Variants in SERPINE3 observed in about 807,000 individuals in gnomAD.
The protein encoded by SERPINE3 is serpin E3.
SERPINE3 carries 43 observed loss-of-function variants against 41.7 expected under a neutral mutation model. The observed-to-expected ratio is 1.03, with a 90% CI of 0.81 to 1.33. The LOEUF (loss-of-function observed/expected upper bound fraction) is 1.33, where lower values mean the gene tolerates loss of function less well. SERPINE3 is among the 40% of genes most tolerant of loss of function. SERPINE3 has a pLI of 0.00. For missense variants in SERPINE3, 440 were observed against 491.7 expected (o/e 0.89, Z 0.99); for synonymous variants, 200 against 192.2 (o/e 1.04, Z -0.34).
intron 9 of SERPINE3, chr13:51,362,871 A>G (rs1197262005): frequency 6.6e-6 from 1 of 152,434 alleles, no homozygotes; most frequent in African/African-American, 2.4e-5. Flanking sequence ...ACTAGAAAAT[A>G]ATCTATTTGG....
At position 51,353,470 on chromosome 13, in the gene SERPINE3, T is replaced by G. The variant is rs1955431045; in HGVS notation, c.900-1573T>G. 2.0e-5 allele frequency among the ~76,000 whole-genome samples: 3 copies of G among 152,314 alleles called. No homozygotes were observed. In the South Asian group the frequency reaches 6.2e-4, roughly 32 times the overall value. On this transcript the variant is annotated intron_variant, in intron 6 of 9. Transcript: ENST00000681248. ...CTGTGACAAAGAGAAGCAAAGTAAC[T>G]TCCCACGGAGGTAAAGTAACTAGTT...
chr13:51,359,133 G>T (rs754199202), intron 7 of SERPINE3, among the ~76,000 whole-genome samples: 1 of 152,040 alleles, frequency 6.6e-6, no homozygotes, highest in Admixed American at 6.6e-5. Flanking sequence ...AAAATAGGGC[G>T]TATGTCCCTC....
At chr13:51,355,190 A>C (rs1955461089) in intron 7 of SERPINE3, 47 bp downstream of exon 7, 3 of 818,192 alleles carry the variant, frequency 3.7e-6, no homozygotes, top group Non-Finnish European at 5.9e-6. Flanking sequence ...TATTTGGGGC[A>C]GTTTTATCAT....
chr13:51,344,987 C>T (rs997289255), intron 4 of SERPINE3, among the ~76,000 whole-genome samples: 2 of 152,232 alleles, frequency 1.3e-5, no homozygotes, highest in Admixed American at 1.3e-4. Context: ...CAAACAGCCT[C>T]GCTGCCCAGC....
chr13:51,349,310 A>G (rs1955383220), intron 6 of SERPINE3, among the ~76,000 whole-genome samples: 1 of 152,186 alleles, frequency 6.6e-6, no homozygotes, highest in Non-Finnish European at 1.5e-5. Context: ...GAGACCCAGT[A>G]AGTTAAGGGC....
chr13:51,347,246 C>T lies in SERPINE3; in HGVS notation c.700+12C>T. ...CGAGGTCAACTACGGTGAGCTCTGC[C>T]CCTGCTGGTTTGTCTAAAGGGAGAG... is the stretch of plus-strand genomic sequence containing the variant. On this transcript the variant is annotated intron_variant, in intron 5 of 9. Coordinates refer to ENST00000681248, the MANE Select transcript of SERPINE3 (RefSeq NM_001386375.1). 6.2e-7 allele frequency: 1 copy of T among 1,611,416 alleles called. No individual in the cohort carries two copies. The highest frequency in any genetic ancestry group is 8.5e-7 in the Non-Finnish European group (1 of 1,178,310).
chr13:51,346,947 C>T (rs969803577), intron 4 of SERPINE3, 78 bp from the exon 5 acceptor site: 4 of 1,089,698 alleles, frequency 3.7e-6, no homozygotes, highest in African/African-American at 1.6e-5. Context: ...CTCTGCACTC[C>T]TTGTCCGCAC....
At chr13:51,352,808 T>C (rs999943278) in intron 6 of SERPINE3, among the ~76,000 whole-genome samples, 1 of 152,190 alleles carries the variant, frequency 6.6e-6, no homozygotes, top group Non-Finnish European at 1.5e-5. Flanking sequence ...TTTTTAGTCA[T>C]GAAAGGGTGT....
chr13:51,347,244 GCCC>G lies in SERPINE3; in HGVS notation c.700+12_700+14del. On this transcript the variant is annotated intron_variant, in intron 5 of 9. Coordinates refer to ENST00000681248, the MANE Select transcript of SERPINE3 (RefSeq NM_001386375.1). ...ACCGAGGTCAACTACGGTGAGCTCT[GCCC>G]CTGCTGGTTTGTCTAAAGGGAGAGG... The G allele has an allele frequency of 6.2e-7, 1 of 1,611,844 alleles. No individual in the cohort carries two copies.
chr13:51,340,773 G>T lies in SERPINE3; in HGVS notation c.-95-11G>T, dbSNP rs1955281605. ...TTTCCCAACATAATGCTTTGCTTCT[G>T]ATCTGACCAGGGCTTTGCTAAAGTC... On this transcript the variant is annotated splice_polypyrimidine_tract_variant and intron_variant, in intron 1 of 9. Coordinates refer to ENST00000681248, the MANE Select transcript of SERPINE3 (RefSeq NM_001386375.1). The T allele has an allele frequency of 2.3e-6, 1 of 426,116 alleles. No homozygotes were observed. The allele number at this position is 426,116 out of a possible 1,614,324, so 26.4% of individuals were successfully genotyped here.
At chr13:51,358,847 G>A (rs1202783077) in intron 7 of SERPINE3, among the ~76,000 whole-genome samples, 2 of 151,996 alleles carry the variant, frequency 1.3e-5, no homozygotes, top group African/African-American at 2.4e-5. Context: ...AGGAGCAAGC[G>A]AGTTTATGGT....
At chr13:51,360,113 TA>T (rs1346215212) in intron 7 of SERPINE3, among the ~76,000 whole-genome samples, 1 of 152,138 alleles carries the variant, frequency 6.6e-6, no homozygotes, top group Non-Finnish European at 1.5e-5. Context: ...GGTCTGGTTT[TA>T]TTCTCTCATG....
intron 7 of SERPINE3, 94 bp downstream of exon 7, chr13:51,355,237 T>G (rs1566195165): frequency 1.9e-5 from 10 of 514,378 alleles, no homozygotes; most frequent in Non-Finnish European, 2.4e-5. Flanking sequence ...GAGTCAACAT[T>G]ATGTAAAAGA....
Position 51,341,267 on chromosome 13 carries a change from T to C in SERPINE3, c.176T>C (p.Leu59Pro). ...GTCATCTCTCCTGCTGGTGTGTCCCTCCCCCTGGAGATCCTGCAGTTTGGA... is the reference window on the plus strand; with the variant it reads ...GTCATCTCTCCTGCTGGTGTGTCCCCCCCCCTGGAGATCCTGCAGTTTGGA... ...NFVISPAGVS[L>P]PLEILQFGAE... The change falls in exon 3 of 10, where the codon CTC (leucine) becomes CCC (proline). Residue 59 changes from leucine to proline, a missense_variant. Physicochemically the swap from Leu to Pro is moderately conservative, Grantham distance 98. Transcript: ENST00000681248. 1 of 1,613,198 alleles carries C rather than the reference T, an allele frequency of 6.2e-7. No individual in the cohort carries two copies.
chr13:51,361,401 A>AT, intron 8 of SERPINE3, 37 bp downstream of exon 8: 1 of 1,275,510 alleles, frequency 7.8e-7, no homozygotes, highest in Non-Finnish European at 1.1e-6. Flanking sequence ...CTGCTTACCC[A>AT]TATCTACCTT....
intron 6 of SERPINE3, chr13:51,348,713 T>C (rs1444651186): frequency 3.6e-5 from 12 of 337,114 alleles, no homozygotes; most frequent in Non-Finnish European, 5.5e-6. Context: ...GATCCAGCCC[T>C]AGGCTGGACC....
Position 51,361,905 on chromosome 13 carries a change from T to C in SERPINE3, c.1171+12T>C, listed in dbSNP as rs767415436. On this transcript the variant is annotated intron_variant, in intron 9 of 9. Transcript: ENST00000681248. ...AGAACCTAACACAGGTATTACAGTA[T>C]TTTTTGACAGGATTCAGATAATTTA... 1.2e-6 allele frequency: 2 copies of C among 1,611,836 alleles called. No individual in the cohort carries two copies. The highest frequency in any genetic ancestry group is 1.1e-5 in the South Asian group (1 of 90,978).
At chr13:51,348,054 C>G (rs892335349) in intron 5 of SERPINE3, among the ~76,000 whole-genome samples, 159 bp from the exon 6 acceptor site, 1 of 152,078 alleles carries the variant, frequency 6.6e-6, no homozygotes, top group Non-Finnish European at 1.5e-5. Flanking sequence ...ATGACCATAT[C>G]GCCCAACAGT....
Position 51,347,121 on chromosome 13 carries a change from G to T in SERPINE3, c.587G>T (p.Gly196Val). ...LVLVSTMSFQ[G>V]TWRKRFSSTD... The stretch of plus-strand genomic sequence containing the variant: ...CTTGTGAGCACCATGTCCTTCCAAG[G>T]CACTTGGCGAAAGAGATTCTCCTCC... Residue 196 changes from glycine (G) to valine (V), a missense_variant, in exon 5 of 10, where the codon GGC becomes GTC. Transcript: ENST00000681248. The T allele has an allele frequency of 6.2e-7, 1 of 1,613,060 alleles. No individual in the cohort carries two copies. Among genetic ancestry groups the T allele is most frequent in the Non-Finnish European group, 8.5e-7 (1 of 1,179,552 alleles).
Sources: allele counts gnomAD v4.1 joint callset (sites outside exome capture counted in the v4.1 genomes callset), GRCh38; gene constraint gnomAD v4.1.1; transcripts MANE v1.5; gene names NCBI Gene and HGNC (gene_info 2026-07-23, HGNC 2026-07-21).